The following GTPBP2 variants were observed in gnomAD, a reference collection of about 807,000 sequenced individuals.
GTPBP2 encodes the protein GTP-binding protein 2.
GTPBP2 carries 32 observed loss-of-function variants against 63.0 expected under a neutral mutation model. The observed-to-expected ratio is 0.51, with a 90% CI of 0.38 to 0.68. GTPBP2 has a LOEUF of 0.68. GTPBP2 is among the 30% of genes least tolerant of loss of function. The pLI, the probability that GTPBP2 is intolerant of heterozygous loss-of-function variation, is 0.00. For synonymous variants in GTPBP2, 310 were observed against 322.6 expected, an observed-to-expected ratio of 0.96 and a Z score of 0.42; for missense variants, 492 against 796.9, an observed-to-expected ratio of 0.62 and a Z score of 4.61.
At chr6:43,623,195 AG>A (rs1207595546) in intron 9 of GTPBP2, 1 of 194,660 alleles carries the variant, frequency 5.1e-6, no homozygotes, top group African/African-American at 2.3e-5. Flanking sequence ...ATTCAAGACC[AG>A]CCTGGCCAAT....
chr6:43,622,140 T>C lies in GTPBP2; in HGVS notation c.1495A>G (p.Asn499Asp), dbSNP rs754178835. 7 of 1,613,312 alleles carry C rather than the reference T, an allele frequency of 4.3e-6. No homozygotes were observed. Among genetic ancestry groups the C allele is most frequent in the Middle Eastern group, 1.7e-4 (1 of 6,054 alleles). The change falls in exon 11 of 12, where the codon AAT becomes GAT. Residue 499 changes from asparagine to aspartate, a missense_variant. By Grantham distance (23) the Asn-to-Asp change is conservative. Around this residue, in one of 2 missense-constraint regions of GTPBP2, gnomAD observed 400 missense variants for 710.8 expected, o/e 0.56. Coordinates refer to ENST00000307126, the MANE Select transcript of GTPBP2 (RefSeq NM_019096.5). This position sits in a 1 kb window ranked among gnomAD's most constrained non-coding sequence, Gnocchi z 5.4. ...TCAAACACCGAGCAGATGGTAGGAT[T>C]CATCTCCGGGCTCACCATCACCATG... is the stretch of plus-strand genomic sequence containing the variant. ...KGMVMVSPEMNPTICSVFEAE... is the reference protein window; with the variant it reads ...KGMVMVSPEMDPTICSVFEAE...
Position 43,625,198 on chromosome 6 carries a change from C to T in GTPBP2, c.706-136G>A. On this transcript the variant is annotated intron_variant, in intron 5 of 11. Transcript: ENST00000307126. This position sits in a 1 kb window ranked among gnomAD's most constrained non-coding sequence, Gnocchi z 5.1. ...CATTTTTTATTTAATTTAGTTGATT[C>T]CCCATTGATTTCCTAAGAGGGGCAG... The T allele has an allele frequency of 9.8e-7, 1 of 1,023,768 alleles. No homozygotes were observed. The highest frequency in any genetic ancestry group is 1.5e-6 in the Non-Finnish European group (1 of 681,818). The allele number at this position is 1,023,768 out of a possible 1,614,324, so 63.4% of individuals were successfully genotyped here. A position where few individuals can be genotyped will look rare whatever the true frequency, so the allele number is the denominator to read the frequency against.
Position 43,622,162 on chromosome 6 carries a change from CA to C in GTPBP2, c.1472del (p.Met491ArgfsTer2). On this transcript the variant is annotated frameshift_variant, in exon 11 of 12. Coordinates refer to ENST00000307126, the MANE Select transcript of GTPBP2 (RefSeq NM_019096.5). LOFTEE classifies it high-confidence loss of function. This position sits in a 1 kb window ranked among gnomAD's most constrained non-coding sequence, Gnocchi z 5.4. ...DFDRALLRKG[M>X]VMVSPEMNPT... ...GATTCATCTCCGGGCTCACCATCAC[CA>C]TGCCCTGGGGAGGAACAGACCCCAG... The C allele has an allele frequency of 6.2e-7, 1 of 1,610,580 alleles. No individual in the cohort carries two copies. The highest frequency in any genetic ancestry group is 8.5e-7 in the Non-Finnish European group (1 of 1,177,032).
At chr6:43,628,809 C>T (rs1313461112) in intron 1 of GTPBP2, 168 bp downstream of exon 1, 1 of 848,750 alleles carries the variant, frequency 1.2e-6, no homozygotes, top group South Asian at 1.3e-5. Context: ...AGTCTCTGCC[C>T]TTCCTCCCTG....
chr6:43,623,750 C>G lies in GTPBP2; in HGVS notation c.1282G>C (p.Gly428Arg), dbSNP rs762103072. ...TVPEVGTVVGGTLSSGICREG... is the reference protein window; with the variant it reads ...TVPEVGTVVGRTLSSGICREG... ...AAGACAATTTACCTGGAAAGTGTTC[C>G]TCCAACAACAGTCCCCACCTCTGGT... Residue 428 changes from glycine to arginine, a missense_variant, in exon 9 of 12, where the codon GGA becomes CGA. By Grantham distance (125) the Gly-to-Arg change is moderately radical. Transcript: ENST00000307126. 1.2e-6 allele frequency: 2 copies of G among 1,612,960 alleles called. No individual in the cohort carries two copies. The highest frequency in any genetic ancestry group is 1.7e-6 in the Non-Finnish European group (2 of 1,178,938).
chr6:43,630,908 CAAAA>C (rs753239311), upstream of GTPBP2, among the ~76,000 whole-genome samples: 9 of 53,606 alleles, frequency 1.7e-4, no homozygotes, highest in Admixed American at 3.9e-4. Context: ...GACTTCGTCT[CAAAA>C]AAAAAAAAAA....
At position 43,624,469 on chromosome 6, in the gene GTPBP2, C is replaced by G. The variant is rs751329985; in HGVS notation, c.1100+41G>C. 8 of 1,440,974 alleles carry G rather than the reference C, an allele frequency of 5.6e-6. No homozygotes were observed. Among genetic ancestry groups the G allele is most frequent in the Non-Finnish European group, 1.9e-6 (2 of 1,030,348 alleles). The allele number at this position is 1,440,974 out of a possible 1,614,324, so 89.3% of individuals were successfully genotyped here. A position where few individuals can be genotyped will look rare whatever the true frequency, so the allele number is the denominator to read the frequency against. On this transcript the variant is annotated intron_variant, in intron 7 of 11. Coordinates refer to ENST00000307126, the MANE Select transcript of GTPBP2 (RefSeq NM_019096.5). This position sits in a 1 kb window ranked among gnomAD's most constrained non-coding sequence, Gnocchi z 5.1. ...TTCTGGGCCCTGGGCTCTGTGGCAG[C>G]CTTCCTAGTGGATCAGGGCTTTAGA...
Position 43,626,277 on chromosome 6 carries a change from G to T in GTPBP2, c.347C>A (p.Ala116Asp), listed in dbSNP as rs772315814. 1 of 1,614,182 alleles carries T rather than the reference G, an allele frequency of 6.2e-7. No individual in the cohort carries two copies. Among genetic ancestry groups the T allele is most frequent in the East Asian group, 2.2e-5 (1 of 44,884 alleles). ...GAGCGAAGCTCGCATTTCCTCCTCA[G>T]CCAGCCCCACCAGCAGCCCATTGTC... ...VEDNGLLVGL[A>D]EEEMRASLKT... The change falls in exon 3 of 12, where the codon GCT (alanine) becomes GAT (aspartate). Residue 116 changes from alanine (A) to aspartate (D), a missense_variant. By Grantham distance (126) the Ala-to-Asp change is moderately radical (BLOSUM62 -2). Around this residue, in one of 2 missense-constraint regions of GTPBP2, gnomAD observed 400 missense variants for 710.8 expected, o/e 0.56. Coordinates refer to ENST00000307126, the MANE Select transcript of GTPBP2 (RefSeq NM_019096.5). This position sits in a 1 kb window ranked among gnomAD's most constrained non-coding sequence, Gnocchi z 4.0.
At chr6:43,628,869 G>A (rs1316338455) in intron 1 of GTPBP2, 108 bp downstream of exon 1, 9 of 1,222,900 alleles carry the variant, frequency 7.4e-6, no homozygotes, top group Non-Finnish European at 1.1e-5. Context: ...CCTCCTCCCT[G>A]GGGTCTCGAC....
At position 43,625,684 on chromosome 6, in the gene GTPBP2, C is replaced by T; in HGVS notation, c.507+72G>A. 1 of 1,431,928 alleles carries T rather than the reference C, an allele frequency of 7.0e-7. No homozygotes were observed. 88.7% of individuals were successfully genotyped at this position (1,431,928 alleles called of 1,614,324 possible). A position where few individuals can be genotyped will look rare whatever the true frequency, so the allele number is the denominator to read the frequency against. ...ACTGGAAGCCCCCAGGATCCCAGGC[C>T]AGGAGACAGCCTGCCACCACAGGGC... On this transcript the variant is annotated intron_variant, in intron 4 of 11. Coordinates refer to ENST00000307126, the MANE Select transcript of GTPBP2 (RefSeq NM_019096.5). The surrounding 1 kb of genome is among the most constrained non-coding windows in gnomAD (Gnocchi z 5.1).
At chr6:43,629,373 A>T (rs1404138106), upstream of GTPBP2, among the ~76,000 whole-genome samples, 12 of 152,324 alleles carry the variant, frequency 7.9e-5, no homozygotes, top group South Asian at 4.1e-4. Flanking sequence ...CTGGGAATTC[A>T]CTTAAATGAC....
rs904015626 is a variant in GTPBP2, at chr6:43,624,451, C to A, written c.1100+59G>T. On this transcript the variant is annotated intron_variant, in intron 7 of 11. Transcript: ENST00000307126. This position sits in a 1 kb window ranked among gnomAD's most constrained non-coding sequence, Gnocchi z 5.1. ...AGAAGTAGGATATCATGCTTCTGGG[C>A]CCTGGGCTCTGTGGCAGCCTTCCTA... 35 of 1,248,224 alleles carry A rather than the reference C, an allele frequency of 2.8e-5. No homozygotes were observed. Among genetic ancestry groups the A allele is most frequent in the Non-Finnish European group, 4.1e-5 (35 of 859,178 alleles). 77.3% of individuals were successfully genotyped at this position (1,248,224 alleles called of 1,614,324 possible). A position where few individuals can be genotyped will look rare whatever the true frequency, so the allele number is the denominator to read the frequency against.
Position 43,624,124 on chromosome 6 carries a change from GC to G in GTPBP2, c.1101-57del. On this transcript the variant is annotated intron_variant, in intron 7 of 11. Transcript: ENST00000307126. The surrounding 1 kb of genome is among the most constrained non-coding windows in gnomAD (Gnocchi z 5.1). Reference sequence around the variant, plus strand: ...AAGACAGTCCAAACAGGAGGCAGAGGCCAGAGCCCCATACATGGAAAGGTGA... The same window carrying G: ...AAGACAGTCCAAACAGGAGGCAGAGGCAGAGCCCCATACATGGAAAGGTGA... 1 of 1,494,366 alleles carries G rather than the reference GC, an allele frequency of 6.7e-7. No homozygotes were observed. The allele number at this position is 1,494,366 out of a possible 1,614,324, so 92.6% of individuals were successfully genotyped here.
upstream of GTPBP2, chr6:43,629,700 A>T: frequency 6.5e-7 from 1 of 1,546,034 alleles, no homozygotes; most frequent in Non-Finnish European, 8.7e-7. Context: ...AACTGAGGCT[A>T]CTGGTGCCGC....
upstream of GTPBP2, among the ~76,000 whole-genome samples, chr6:43,630,077 A>C (rs1043346331): frequency 1.3e-5 from 2 of 152,194 alleles, no homozygotes; most frequent in African/African-American, 2.4e-5. Context: ...AGACTGTAGG[A>C]GGGGCCTGGC....
Position 43,623,930 on chromosome 6 carries a change from T to C in GTPBP2, c.1236+3A>G, listed in dbSNP as rs1181018171. 1.6e-5 allele frequency: 26 copies of C among 1,613,778 alleles called. No homozygotes were observed. The Admixed American group carries it at 1.8e-4, about 11-fold the overall frequency. ...CCTATTAGATGTTTGGGCAGTCAAC[T>C]ACCTGGAACTCCGTCAGCTGCTGCA... On this transcript the variant is annotated splice_donor_region_variant and intron_variant, in intron 8 of 11. Transcript: ENST00000307126.
rs181366514 is a variant in GTPBP2 at position 43,622,558 on chromosome 6, T to C, written c.1467+75A>G. ...CTGAGTTTCTCTGAAGCACCTTAGA[T>C]AGGTGCTCATTCAGTAGCCAGTCTC... On this transcript the variant is annotated intron_variant, in intron 10 of 11. Coordinates refer to ENST00000307126, the MANE Select transcript of GTPBP2 (RefSeq NM_019096.5). The surrounding 1 kb of genome is among the most constrained non-coding windows in gnomAD (Gnocchi z 5.4). 8.9e-6 allele frequency: 12 copies of C among 1,345,904 alleles called. No individual in the cohort carries two copies. The East Asian group carries it at 2.3e-4, about 26-fold the overall frequency. 83.4% of individuals were successfully genotyped at this position (1,345,904 alleles called of 1,614,324 possible).
In GTPBP2 at chr6:43,628,883, G is replaced by T. The variant is rs184608407; in HGVS notation, c.186+94C>A. The T allele has an allele frequency of 2.1e-5, 29 of 1,360,982 alleles. No individual in the cohort carries two copies. The East Asian group carries it at 5.0e-4, about 24-fold the overall frequency. 84.3% of individuals were successfully genotyped at this position (1,360,982 alleles called of 1,614,324 possible). ...CCCTCCTCCCTGGGGTCTCGACACC[G>T]GAAGGGGAGATTAATTATCTGGGTC... On this transcript the variant is annotated intron_variant, in intron 1 of 11. Transcript: ENST00000307126.
rs200742208 is a variant in GTPBP2 at position 43,624,533 on chromosome 6, G to A, written c.1077C>T (p.Ala359=). ...ACTTGGGTGACTGAGCAAACTGCTGGGCAGCAGTGACGGCATCATCCTCAG... is the reference window on the plus strand; with the variant it reads ...ACTTGGGTGACTGAGCAAACTGCTGAGCAGCAGTGACGGCATCATCCTCAG... ...VTSEDDAVTA[A]QQFAQSPNVT... The change falls in exon 7 of 12, where the codon GCC becomes GCT. Residue 359 remains alanine, a synonymous_variant. Coordinates refer to ENST00000307126, the MANE Select transcript of GTPBP2 (RefSeq NM_019096.5). The surrounding 1 kb of genome is among the most constrained non-coding windows in gnomAD (Gnocchi z 5.1). The A allele has an allele frequency of 5.3e-5, 86 of 1,613,444 alleles. No homozygotes were observed. The highest frequency in any genetic ancestry group is 5.0e-5 in the Admixed American group (3 of 59,994).
Sources: allele counts gnomAD v4.1 joint callset (sites outside exome capture counted in the v4.1 genomes callset), GRCh38; gene constraint gnomAD v4.1.1; regional missense constraint gnomAD v4.1.1; non-coding constraint Gnocchi (gnomAD v3.1); transcripts MANE v1.5; gene names NCBI Gene and HGNC (gene_info 2026-07-23, HGNC 2026-07-21).